Variants in DYNLT2 observed in about 807,000 individuals in gnomAD.
DYNLT2 encodes dynein light chain Tctex-type protein 2.
A neutral mutation model predicts 24.3 loss-of-function variants in DYNLT2; 24 were observed. That is an observed-to-expected ratio of 0.99 (90% CI 0.71 to 1.39). The LOEUF (loss-of-function observed/expected upper bound fraction) is 1.39. DYNLT2 is among the 40% of genes most tolerant of loss of function. The pLI, the probability that DYNLT2 is intolerant of heterozygous loss-of-function variation, is 0.00. For missense variants in DYNLT2, 246 were observed against 234.5 expected (o/e 1.05, Z -0.32); for synonymous variants, 85 against 85.4 (o/e 1.00, Z 0.03).
intron 2 of DYNLT2, 102 bp downstream of exon 2, chr6:169,743,966 T>A: frequency 8.8e-7 from 1 of 1,135,660 alleles, no homozygotes; most frequent in South Asian, 1.5e-5. Flanking sequence ...TAGTGACAAT[T>A]GTATGAGCCA....
chr6:169,734,851 T>C, the DYNLT2 span, among the ~76,000 whole-genome samples: 13 of 152,210 alleles, frequency 8.5e-5, no homozygotes, highest in African/African-American at 1.4e-4. Flanking sequence ...TGGAATAGTT[T>C]CAGAAGGAAT....
chr6:169,747,063 G>A (rs2128336359), intron 1 of DYNLT2, among the ~76,000 whole-genome samples: 1 of 151,514 alleles, frequency 6.6e-6, no homozygotes, highest in Non-Finnish European at 1.5e-5. Context: ...TCTTACCTTT[G>A]CTTTTTGAAC....
intron 3 of DYNLT2, among the ~76,000 whole-genome samples, chr6:169,742,537 A>T (rs1789700933): frequency 6.6e-6 from 1 of 152,220 alleles, no homozygotes; most frequent in Non-Finnish European, 1.5e-5. Flanking sequence ...GTCAAAATTG[A>T]TATGATCAAG....
chr6:169,735,142 T>C (rs981215938), downstream of DYNLT2, among the ~76,000 whole-genome samples: 2 of 152,186 alleles, frequency 1.3e-5, no homozygotes, highest in African/African-American at 4.8e-5. Flanking sequence ...ATATCCCCTT[T>C]ATCATTTTTT....
chr6:169,749,376 T>C (rs1296367084), intron 1 of DYNLT2: 1 of 152,252 alleles, frequency 6.6e-6, no homozygotes, highest in African/African-American at 2.4e-5. Flanking sequence ...GGGGATTACA[T>C]GCATGGGCCA....
At chr6:169,727,673 C>T in the DYNLT2 span, among the ~76,000 whole-genome samples, 1 of 152,050 alleles carries the variant, frequency 6.6e-6, no homozygotes, top group Non-Finnish European at 1.5e-5. Context: ...ACGCCATTCT[C>T]CTGCCTCAGC....
chr6:169,735,460 G>T (rs560301228), downstream of DYNLT2, among the ~76,000 whole-genome samples: 2 of 152,238 alleles, frequency 1.3e-5, no homozygotes, highest in East Asian at 3.9e-4. Context: ...CTTTAGCTGT[G>T]TCCCAGAGAT....
the DYNLT2 span, among the ~76,000 whole-genome samples, chr6:169,730,846 C>T: frequency 1.3e-5 from 2 of 152,068 alleles, no homozygotes; most frequent in African/African-American, 4.8e-5. Flanking sequence ...TGCAGTGAGC[C>T]GATGGACTGA....
At chr6:169,726,059 A>G in the DYNLT2 span, among the ~76,000 whole-genome samples, 123 of 152,348 alleles carry the variant, frequency 8.1e-4, no homozygotes, top group African/African-American at 2.7e-3. Flanking sequence ...CTACATTGCA[A>G]TGCCCACTTT....
At chr6:169,727,072 C>T in the DYNLT2 span, among the ~76,000 whole-genome samples, 1 of 152,264 alleles carries the variant, frequency 6.6e-6, no homozygotes, top group South Asian at 2.1e-4. Context: ...GGTCAGCTCT[C>T]CTAATGGAGA....
the DYNLT2 span, among the ~76,000 whole-genome samples, chr6:169,727,843 G>A: frequency 1.3e-5 from 2 of 152,270 alleles, no homozygotes; most frequent in African/African-American, 2.4e-5. Flanking sequence ...GATTACAGGC[G>A]TGAGCCACTG....
At chr6:169,737,761 A>G (rs1789591348), downstream of DYNLT2, among the ~76,000 whole-genome samples, 1 of 152,132 alleles carries the variant, frequency 6.6e-6, no homozygotes, top group Non-Finnish European at 1.5e-5. Context: ...GGTATCTGAC[A>G]ACCCCTGTTG....
rs762166347 is a variant in DYNLT2, at chr6:169,743,225, T to C, written c.341A>G (p.Asp114Gly). 6.8e-6 allele frequency: 10 copies of C among 1,480,528 alleles called. No homozygotes were observed. The Admixed American group carries it at 1.9e-4, about 28-fold the overall frequency. The allele number at this position is 1,480,528 out of a possible 1,614,324, so 91.7% of individuals were successfully genotyped here. Residue 114 changes from aspartate (D) to glycine (G), a missense_variant, in exon 3 of 4, where the codon GAT becomes GGT. By Grantham distance (94) the Asp-to-Gly change is moderately conservative. Coordinates refer to ENST00000366774, the MANE Select transcript of DYNLT2 (RefSeq NM_174910.3). ...VQQILTESLK[D>G]VKYDDKVFSH... ...GAATACTTTATCATCATATTTGACATCTTTAAGACTTTCCTTTAAGAAAAT... is the reference window on the plus strand; with the variant it reads ...GAATACTTTATCATCATATTTGACACCTTTAAGACTTTCCTTTAAGAAAAT...
the DYNLT2 span, among the ~76,000 whole-genome samples, chr6:169,729,275 C>T: frequency 4.5e-4 from 69 of 152,310 alleles, no homozygotes; most frequent in South Asian, 3.7e-3. Context: ...AACTTTTTCT[C>T]TATGGCTTCT....
At chr6:169,729,299 T>A in the DYNLT2 span, among the ~76,000 whole-genome samples, 1 of 152,234 alleles carries the variant, frequency 6.6e-6, no homozygotes, top group East Asian at 1.9e-4. Flanking sequence ...GTGCCTTTTG[T>A]GTAGGCCGAG....
the DYNLT2 span, among the ~76,000 whole-genome samples, chr6:169,726,231 G>A: frequency 1.3e-5 from 2 of 152,092 alleles, no homozygotes; most frequent in African/African-American, 2.4e-5. Context: ...CCTGCCTATA[G>A]GCAGCTTCAA....
chr6:169,750,508 G>C (rs531377010), intron 1 of DYNLT2: 3 of 152,242 alleles, frequency 2.0e-5, no homozygotes, highest in African/African-American at 7.2e-5. Flanking sequence ...ATCTTAAAAT[G>C]TTTTAGGGTC....
At chr6:169,737,205 G>A (rs1164170155), downstream of DYNLT2, among the ~76,000 whole-genome samples, 1 of 152,096 alleles carries the variant, frequency 6.6e-6, no homozygotes, top group Non-Finnish European at 1.5e-5. Flanking sequence ...ATTCTAGTTA[G>A]CAATTGCTCT....
At chr6:169,749,642 T>C (rs1789898535) in intron 1 of DYNLT2, 1 of 152,234 alleles carries the variant, frequency 6.6e-6, no homozygotes, top group Admixed American at 6.5e-5. Context: ...CTCAATCATT[T>C]TCTTTGCATT....
Sources: allele counts gnomAD v4.1 joint callset (sites outside exome capture counted in the v4.1 genomes callset), GRCh38; gene constraint gnomAD v4.1.1; transcripts MANE v1.5; gene names NCBI Gene and HGNC (gene_info 2026-07-23, HGNC 2026-07-21).